CENPN: variants seen among roughly 807,000 people sequenced by gnomAD.
CENPN encodes the protein centromere protein N.
CENPN carries 36 observed loss-of-function variants against 48.6 expected under a neutral mutation model. The observed-to-expected ratio is 0.74, with a 90% CI of 0.57 to 0.98. CENPN has a LOEUF of 0.98. Among genes scored for constraint, CENPN ranks in the 50% least tolerant of loss-of-function variants. The probability of loss-of-function intolerance (pLI) is 0.00; values close to 1 mark genes in which losing one functional copy is unlikely to be tolerated. For missense variants in CENPN, 439 were observed against 399.2 expected, an observed-to-expected ratio of 1.10 and a Z score of -0.85; for synonymous variants, 166 against 135.2, an observed-to-expected ratio of 1.23 and a Z score of -1.58.
At chr16:81,018,754 T>C (rs191341809) in intron 5 of CENPN, among the ~76,000 whole-genome samples, 274 of 152,316 alleles carry the variant, frequency 1.8e-3, no homozygotes, top group African/African-American at 6.2e-3. Flanking sequence ...GAGACTTTCT[T>C]GTCTCCTGCA....
chr16:81,022,093 T>C (rs1168462348), intron 6 of CENPN, among the ~76,000 whole-genome samples: 1 of 152,122 alleles, frequency 6.6e-6, no homozygotes, highest in African/African-American at 2.4e-5. Context: ...AAGGCAAACT[T>C]GTCTGTTCTC....
At chr16:81,011,839 T>C (rs1188234111) in intron 1 of CENPN, 91 bp from the exon 2 acceptor site, 2 of 1,092,472 alleles carry the variant, frequency 1.8e-6, no homozygotes, top group East Asian at 5.0e-5. Flanking sequence ...CCTGTCTCTA[T>C]TTTTCATATG....
chr16:81,010,957 T>C (rs1049133096), intron 1 of CENPN, among the ~76,000 whole-genome samples: 10 of 152,196 alleles, frequency 6.6e-5, no homozygotes, highest in African/African-American at 2.4e-4. Flanking sequence ...AGATTGATCC[T>C]GGTAGAAAAG....
At chr16:81,007,709 G>T (rs1239946433) in intron 1 of CENPN, among the ~76,000 whole-genome samples, 1 of 152,218 alleles carries the variant, frequency 6.6e-6, no homozygotes, top group African/African-American at 2.4e-5. Context: ...GAGGTGTGTG[G>T]CTACGGGAAC....
chr16:81,025,691 C>CTTTTTTTTTT (rs1175806121), intron 8 of CENPN, among the ~76,000 whole-genome samples: 1 of 9,134 alleles, frequency 1.1e-4, no homozygotes, highest in African/African-American at 1.4e-4. Context: ...CCCTGTCTCT[C>CTTTTTTTTTT]TTTTTTTTTT....
chr16:81,024,997 C>T (rs1010711115), intron 8 of CENPN, among the ~76,000 whole-genome samples: 1 of 152,174 alleles, frequency 6.6e-6, no homozygotes, highest in African/African-American at 2.4e-5. Context: ...ACAATAATTA[C>T]AAAAACAAAA....
chr16:81,024,425 G>T, intron 7 of CENPN: 1 of 197,698 alleles, frequency 5.1e-6, no homozygotes, highest in South Asian at 1.4e-4. Context: ...CACTGACGAC[G>T]CTGAAATACC....
chr16:81,009,166 G>C (rs1969637645), intron 1 of CENPN, among the ~76,000 whole-genome samples: 1 of 152,152 alleles, frequency 6.6e-6, no homozygotes, highest in African/African-American at 2.4e-5. Flanking sequence ...GCAGTGAGCA[G>C]AAATCCCACT....
chr16:81,022,357 C>G (rs542153276), intron 6 of CENPN: 1 of 443,486 alleles, frequency 2.3e-6, no homozygotes, highest in East Asian at 4.1e-5. Context: ...TAACTCCTAA[C>G]TTTAAACAGG....
chr16:81,013,160 T>C (rs539694921), intron 2 of CENPN, among the ~76,000 whole-genome samples: 22 of 152,300 alleles, frequency 1.4e-4, no homozygotes, highest in African/African-American at 5.1e-4. Flanking sequence ...GATGAACAGA[T>C]TGTGATGTTT....
At chr16:81,020,633 T>G (rs1411132524) in intron 6 of CENPN, 1 of 167,882 alleles carries the variant, frequency 6.0e-6, no homozygotes, top group Non-Finnish European at 1.3e-5. Flanking sequence ...TTTATTGTTT[T>G]TTGATCTAGA....
chr16:81,029,429 T>C lies in CENPN; in HGVS notation c.*778T>C. The C allele has an allele frequency of 2.4e-6, 1 of 421,832 alleles. No homozygotes were observed. The highest frequency in any genetic ancestry group is 3.2e-6 in the Non-Finnish European group (1 of 314,884). The allele number at this position is 421,832 out of a possible 1,614,324, so 26.1% of individuals were successfully genotyped here. A position where few individuals can be genotyped will look rare whatever the true frequency, so the allele number is the denominator to read the frequency against. ...TTTATTTATTTATTGAGACAGGGTC[T>C]CACTGTGTCACCCAAGCTGGAGTGC... On this transcript the variant is annotated 3_prime_UTR_variant, in exon 11 of 11. Coordinates refer to ENST00000305850, the MANE Select transcript of CENPN (RefSeq NM_001100624.3).
intron 5 of CENPN, among the ~76,000 whole-genome samples, chr16:81,018,486 C>G (rs1042378042): frequency 6.6e-6 from 1 of 151,988 alleles, no homozygotes; most frequent in African/African-American, 2.4e-5. Flanking sequence ...AATTTTTAAT[C>G]TTTTTAAACT....
At chr16:81,019,621 G>C (rs1970088219) in intron 5 of CENPN, among the ~76,000 whole-genome samples, 1 of 152,046 alleles carries the variant, frequency 6.6e-6, no homozygotes, top group African/African-American at 2.4e-5. Context: ...TTGTAAGGCT[G>C]CCTTACCTCA....
At chr16:81,011,344 G>C (rs540720744) in intron 1 of CENPN, among the ~76,000 whole-genome samples, 2 of 152,216 alleles carry the variant, frequency 1.3e-5, no homozygotes, top group Admixed American at 6.5e-5. Flanking sequence ...TTTTAACATA[G>C]TTTGTGATTT....
chr16:81,022,488 C>T (rs528147851), intron 6 of CENPN, 109 bp from the exon 7 acceptor site: 2 of 917,508 alleles, frequency 2.2e-6, no homozygotes, highest in East Asian at 5.1e-5. Context: ...TCTTTTTACA[C>T]TTACGGGGAA....
intron 5 of CENPN, among the ~76,000 whole-genome samples, chr16:81,018,743 G>A (rs1202898813): frequency 2.0e-5 from 3 of 152,156 alleles, no homozygotes; most frequent in African/African-American, 4.8e-5. Context: ...CCTGGACTGG[G>A]GAGACTTTCT....
chr16:81,012,698 C>T (rs1190616462), intron 2 of CENPN, among the ~76,000 whole-genome samples: 2 of 152,220 alleles, frequency 1.3e-5, no homozygotes, highest in Non-Finnish European at 2.9e-5. Flanking sequence ...CAGGTTCTAG[C>T]GATTCTAGTG....
chr16:81,022,318 T>G (rs1970253654), intron 6 of CENPN: 1 of 362,928 alleles, frequency 2.8e-6, no homozygotes, highest in African/African-American at 2.1e-5. Flanking sequence ...ATTTATTGTT[T>G]ATTCCAAAGT....
Sources: allele counts gnomAD v4.1 joint callset (sites outside exome capture counted in the v4.1 genomes callset), GRCh38; gene constraint gnomAD v4.1.1; transcripts MANE v1.5; gene names NCBI Gene and HGNC (gene_info 2026-07-23, HGNC 2026-07-21).